COL23A1: variants seen among roughly 807,000 people sequenced by gnomAD.
COL23A1 encodes the protein collagen alpha-1(XXIII) chain.
In COL23A1, 97 loss-of-function variants were observed where a neutral mutation model predicts 99.3. The ratio of observed to expected loss-of-function variants is 0.98; its 90% CI spans 0.83 to 1.16. COL23A1 has a LOEUF of 1.16. Among genes scored for constraint, COL23A1 ranks in the 50% most tolerant of loss-of-function variants. The pLI is 0.00. For missense variants in COL23A1, 762 were observed against 757.4 expected (o/e 1.01, Z -0.07); for synonymous variants, 320 against 308.2 (o/e 1.04, Z -0.40).
chr5:178,458,510 G>A (rs1158420191), intron 2 of COL23A1, among the ~76,000 whole-genome samples: 7 of 151,884 alleles, frequency 4.6e-5, no homozygotes, highest in African/African-American at 7.3e-5. Flanking sequence ...GGTGGTGCAC[G>A]CCTATAATTC....
chr5:178,341,339 T>C (rs1277874826), intron 2 of COL23A1, among the ~76,000 whole-genome samples: 2 of 152,180 alleles, frequency 1.3e-5, no homozygotes, highest in South Asian at 2.1e-4. Flanking sequence ...GAACCCAAGA[T>C]AGGTCGGTCA....
At chr5:178,552,260 C>T (rs1379236031) in intron 2 of COL23A1, among the ~76,000 whole-genome samples, 1 of 152,060 alleles carries the variant, frequency 6.6e-6, no homozygotes, top group South Asian at 2.1e-4. Context: ...GTCAATAGCT[C>T]CCCCAGGACC....
chr5:178,576,255 T>C (rs1226732574), intron 1 of COL23A1, among the ~76,000 whole-genome samples: 1 of 152,194 alleles, frequency 6.6e-6, no homozygotes, highest in African/African-American at 2.4e-5. Flanking sequence ...CCTTTTTTTT[T>C]AGACGGAGTC....
intron 2 of COL23A1, among the ~76,000 whole-genome samples, chr5:178,320,305 C>T (rs969180280): frequency 3.9e-5 from 6 of 152,168 alleles, no homozygotes; most frequent in Non-Finnish European, 7.4e-5. Flanking sequence ...GGTGTTGGGT[C>T]CCCAGGCCGG....
At chr5:178,350,568 A>T (rs1020385399) in intron 2 of COL23A1, among the ~76,000 whole-genome samples, 2 of 152,214 alleles carry the variant, frequency 1.3e-5, no homozygotes, top group African/African-American at 2.4e-5. Flanking sequence ...TGGCTGCCCC[A>T]AGGATTCCTC....
intron 2 of COL23A1, among the ~76,000 whole-genome samples, chr5:178,363,370 G>A (rs1762278405): frequency 6.6e-6 from 1 of 152,128 alleles, no homozygotes; most frequent in Non-Finnish European, 1.5e-5. Context: ...AGAACCTACA[G>A]TCCAGAAGAA....
intron 1 of COL23A1, among the ~76,000 whole-genome samples, chr5:178,561,494 TG>T (rs1402965053): frequency 6.6e-6 from 1 of 152,128 alleles, no homozygotes; most frequent in Non-Finnish European, 1.5e-5. Flanking sequence ...TGGAACCCTA[TG>T]GGCACCCCTG....
At chr5:178,279,219 C>T (rs954420155) in intron 5 of COL23A1, among the ~76,000 whole-genome samples, 12 of 152,332 alleles carry the variant, frequency 7.9e-5, no homozygotes, top group African/African-American at 1.9e-4. Context: ...TCCTGAGCGC[C>T]TCCTTCCAGA....
intron 1 of COL23A1, among the ~76,000 whole-genome samples, chr5:178,577,949 C>T (rs571656496): frequency 6.6e-5 from 10 of 152,236 alleles, no homozygotes; most frequent in African/African-American, 2.4e-4. Flanking sequence ...CACAGTGAGG[C>T]GATAAGGTCA....
At chr5:178,483,083 G>GA (rs375274751) in intron 2 of COL23A1, among the ~76,000 whole-genome samples, 406 of 144,462 alleles carry the variant, frequency 2.8e-3, no homozygotes, top group Admixed American at 4.6e-3. Flanking sequence ...AAAAGAAAAA[G>GA]AAAAAAAAAA....
At chr5:178,263,429 T>C (rs1179013412) in intron 8 of COL23A1, 105 bp from the exon 9 acceptor site, 13 of 706,754 alleles carry the variant, frequency 1.8e-5, no homozygotes, top group Admixed American at 2.9e-5. Flanking sequence ...TCCCCAGCCC[T>C]TGGGCAGGCT....
chr5:178,268,105 T>C (rs558012272), intron 7 of COL23A1, among the ~76,000 whole-genome samples: 4 of 152,206 alleles, frequency 2.6e-5, no homozygotes, highest in Admixed American at 1.3e-4. Context: ...GCAGGGCCCA[T>C]CTGCAGATCT....
intron 2 of COL23A1, among the ~76,000 whole-genome samples, chr5:178,500,711 T>C (rs1389248699): frequency 6.7e-6 from 1 of 150,210 alleles, no homozygotes; most frequent in East Asian, 1.9e-4. Flanking sequence ...TCCAGGTAGA[T>C]AAACAACTTA....
intron 2 of COL23A1, among the ~76,000 whole-genome samples, chr5:178,347,435 G>A (rs572389345): frequency 1.3e-5 from 2 of 149,354 alleles, no homozygotes; most frequent in African/African-American, 5.0e-5. Context: ...TGGGGGGAGG[G>A]GTATGGGGAG....
chr5:178,283,173 A>AC (rs1013439654), intron 5 of COL23A1, among the ~76,000 whole-genome samples: 2 of 152,160 alleles, frequency 1.3e-5, no homozygotes, highest in African/African-American at 4.8e-5. Context: ...GGCGTGAGCC[A>AC]CCGCGCCCGG....
intron 2 of COL23A1, among the ~76,000 whole-genome samples, chr5:178,409,398 C>A (rs1294722919): frequency 2.0e-5 from 3 of 152,178 alleles, no homozygotes; most frequent in Admixed American, 2.0e-4. Flanking sequence ...TTGGTGATTG[C>A]CAGAGGTTAA....
At position 178,343,868 on chromosome 5, in the gene COL23A1, G is replaced by A. The variant is rs369448041; in HGVS notation, c.362-36949C>T. Among the ~76,000 whole-genome samples the A allele has an allele frequency of 2.6e-4, 40 of 152,030 alleles. No homozygotes were observed. In the South Asian group the frequency reaches 4.8e-3, roughly 18 times the overall value. On this transcript the variant is annotated intron_variant, in intron 2 of 28. Coordinates refer to ENST00000390654, the MANE Select transcript of COL23A1 (RefSeq NM_173465.4). The stretch of plus-strand genomic sequence containing the variant: ...AGTAGAGATGGAGTTTCACCATGTT[G>A]GCCAGGATGGTCTCGATCTCCTGAG...
chr5:178,438,731 C>A (rs1442797855), intron 2 of COL23A1: 1 of 152,050 alleles, frequency 6.6e-6, no homozygotes, highest in African/African-American at 2.4e-5. Context: ...AAAAAGATTT[C>A]TGGGTCTACT....
intron 2 of COL23A1, among the ~76,000 whole-genome samples, chr5:178,523,304 G>A (rs1000904678): frequency 1.2e-4 from 18 of 144,154 alleles, no homozygotes; most frequent in East Asian, 8.1e-4. Flanking sequence ...GTGCGCGCCC[G>A]TAATCCTAGC....
Sources: allele counts gnomAD v4.1 joint callset (sites outside exome capture counted in the v4.1 genomes callset), GRCh38; gene constraint gnomAD v4.1.1; transcripts MANE v1.5; gene names NCBI Gene and HGNC (gene_info 2026-07-23, HGNC 2026-07-21).